CFAP77: variants seen among roughly 807,000 people sequenced by gnomAD.
CFAP77 encodes the protein cilia- and flagella-associated protein 77.
Under a neutral mutation model 31.1 loss-of-function variants are expected in CFAP77, and 25 were observed. The observed-to-expected ratio is 0.80, with a 90% confidence interval of 0.59 to 1.12. The LOEUF (loss-of-function observed/expected upper bound fraction) is 1.12, where lower values mean the gene tolerates loss of function less well. Ranked by LOEUF, CFAP77 falls within the 50% of genes most tolerant of loss-of-function variation. The pLI, the probability that CFAP77 is intolerant of heterozygous loss-of-function variation, is 0.00. For synonymous variants in CFAP77, 151 were observed against 159.9 expected, an observed-to-expected ratio of 0.94 and a Z score of 0.42; for missense variants, 377 against 397.3, an observed-to-expected ratio of 0.95 and a Z score of 0.44.
chr9:132,438,518 G>GGT (rs1850549473), intron 1 of CFAP77, among the ~76,000 whole-genome samples: 7 of 111,170 alleles, frequency 6.3e-5, no homozygotes, highest in African/African-American at 2.7e-4. Context: ...GAACAGATAT[G>GGT]GTATATATAT....
intron 1 of CFAP77, among the ~76,000 whole-genome samples, chr9:132,436,722 C>T (rs1406216616): frequency 3.9e-5 from 6 of 152,058 alleles, no homozygotes; most frequent in African/African-American, 7.2e-5. Context: ...TTTAATGCTA[C>T]GGCAATTCAA....
intron 1 of CFAP77, among the ~76,000 whole-genome samples, chr9:132,414,423 A>G (rs184210531): frequency 3.3e-5 from 5 of 152,282 alleles, no homozygotes; most frequent in Admixed American, 3.3e-4. Flanking sequence ...GTGCAGATAG[A>G]GATGAATGCG....
At chr9:132,570,440 C>T (rs1042568739) in intron 5 of CFAP77, among the ~76,000 whole-genome samples, 4 of 152,168 alleles carry the variant, frequency 2.6e-5, no homozygotes, top group East Asian at 1.9e-4. Flanking sequence ...ATCTGAAACC[C>T]GAGGCTGGGG....
chr9:132,515,546 G>C (rs1035522795), intron 3 of CFAP77, among the ~76,000 whole-genome samples: 1 of 152,166 alleles, frequency 6.6e-6, no homozygotes, highest in Non-Finnish European at 1.5e-5. Flanking sequence ...GTCCCTAAAA[G>C]TGTCTTGGGC....
Position 132,499,035 on chromosome 9 carries a change from C to A in CFAP77, c.295+241C>A, listed in dbSNP as rs1051161661. 2.6e-5 allele frequency among the ~76,000 whole-genome samples: 4 copies of A among 152,114 alleles called. No homozygotes were observed. Among genetic ancestry groups the A allele is most frequent in the East Asian group, 1.9e-4 (1 of 5,186 alleles). ...GCATGGGTATCCCCGCACCGCCCCC[C>A]TTCCCCGCCGCCGGCAGGGACTGTG... On this transcript the variant is annotated intron_variant, in intron 2 of 5. Coordinates refer to ENST00000393216, the MANE Select transcript of CFAP77 (RefSeq NM_001282957.2). This position sits in a 1 kb window ranked among gnomAD's most constrained non-coding sequence, Gnocchi z 5.4.
intron 1 of CFAP77, among the ~76,000 whole-genome samples, chr9:132,430,531 C>T (rs1312273339): frequency 6.6e-6 from 1 of 152,198 alleles, no homozygotes; most frequent in Non-Finnish European, 1.5e-5. Flanking sequence ...CAGAGCTATC[C>T]TGTGAACTAG....
At chr9:132,473,962 C>T (rs1035401378) in intron 1 of CFAP77, among the ~76,000 whole-genome samples, 5 of 152,178 alleles carry the variant, frequency 3.3e-5, no homozygotes, top group African/African-American at 1.2e-4. Flanking sequence ...GGGTTACAGG[C>T]GTGAGCCACC....
intron 1 of CFAP77, among the ~76,000 whole-genome samples, chr9:132,427,492 G>A (rs2131686665): frequency 6.6e-6 from 1 of 152,260 alleles, no homozygotes; most frequent in African/African-American, 2.4e-5. Context: ...TGGGTACGGT[G>A]TAATCCCAGC....
intron 3 of CFAP77, among the ~76,000 whole-genome samples, chr9:132,504,460 C>T (rs553435057): frequency 1.1e-4 from 17 of 152,308 alleles, no homozygotes; most frequent in Admixed American, 9.2e-4. Context: ...GGTAAATGGG[C>T]TTTGCATATG....
chr9:132,485,464 G>A (rs981708540), intron 1 of CFAP77, among the ~76,000 whole-genome samples: 2 of 152,156 alleles, frequency 1.3e-5, no homozygotes, highest in African/African-American at 2.4e-5. Context: ...AAACTGTCAC[G>A]TCCCAATCAT....
At position 132,573,125 on chromosome 9, in the gene CFAP77, G is replaced by T. The variant is rs1261007698; in HGVS notation, c.*615G>T. On this transcript the variant is annotated 3_prime_UTR_variant, in exon 6 of 6. Transcript: ENST00000393216. ...AGGCCAAGTTGGACTCCTCCCCCAG[G>T]ACTGACTTTGGAAGGTCAACCCACT... The T allele has an allele frequency of 1.3e-5, 2 of 152,304 alleles. No individual in the cohort carries two copies. The highest frequency in any genetic ancestry group is 4.8e-5 in the African/African-American group (2 of 41,434). The allele number at this position is 152,304 out of a possible 1,614,324, so 9.4% of individuals were successfully genotyped here. A position where few individuals can be genotyped will look rare whatever the true frequency, so the allele number is the denominator to read the frequency against.
chr9:132,458,357 G>GTGGGGGTGGGGT (rs1554738861), intron 1 of CFAP77, among the ~76,000 whole-genome samples: 2 of 119,046 alleles, frequency 1.7e-5, no homozygotes. Context: ...GAGGGGGGGG[G>GTGGGGGTGGGGT]GTGTGTATGG....
intron 1 of CFAP77, among the ~76,000 whole-genome samples, chr9:132,435,325 G>T (rs897575241): frequency 2.0e-5 from 3 of 152,132 alleles, no homozygotes; most frequent in Non-Finnish European, 4.4e-5. Context: ...CCATTTTGGG[G>T]TTCTAAGAGA....
chr9:132,515,420 C>T (rs1436057400), intron 3 of CFAP77, among the ~76,000 whole-genome samples: 1 of 152,184 alleles, frequency 6.6e-6, no homozygotes, highest in African/African-American at 2.4e-5. Flanking sequence ...TCCTGTGTCC[C>T]TTCCTCTGTT....
chr9:132,513,510 T>G lies in CFAP77; in HGVS notation c.524+13910T>G, dbSNP rs1244336506. On this transcript the variant is annotated intron_variant, in intron 3 of 5. Transcript: ENST00000393216. Reference sequence around the variant, plus strand: ...CATGCTTTCCACCCAGCGTGCCCAGTTTTGCTCTGTCGTTAGCGATCCATA... The same window carrying G: ...CATGCTTTCCACCCAGCGTGCCCAGGTTTGCTCTGTCGTTAGCGATCCATA... 5 of 849,690 alleles carry G rather than the reference T, an allele frequency of 5.9e-6. No homozygotes were observed. The East Asian group carries it at 1.4e-4, about 23-fold the overall frequency. The allele number at this position is 849,690 out of a possible 1,614,324, so 52.6% of individuals were successfully genotyped here. A position where few individuals can be genotyped will look rare whatever the true frequency, so the allele number is the denominator to read the frequency against.
chr9:132,510,605 G>A (rs1852019360), intron 3 of CFAP77, among the ~76,000 whole-genome samples: 2 of 152,202 alleles, frequency 1.3e-5, no homozygotes, highest in African/African-American at 4.8e-5. Flanking sequence ...GAATGAGCGC[G>A]TCATGCAGAG....
intron 1 of CFAP77, among the ~76,000 whole-genome samples, chr9:132,411,844 C>T (rs1455504941): frequency 7.0e-6 from 1 of 143,438 alleles, no homozygotes; most frequent in African/African-American, 2.6e-5. Context: ...GTGTGGTGCC[C>T]ACGCTGAGCA....
At chr9:132,429,679 C>T (rs1174181825) in intron 1 of CFAP77, among the ~76,000 whole-genome samples, 20 of 140,076 alleles carry the variant, frequency 1.4e-4, no homozygotes, top group Non-Finnish European at 1.8e-4. Flanking sequence ...CCCGTCTCTA[C>T]TAACAAAATA....
chr9:132,425,290 T>C (rs769020306), intron 1 of CFAP77, among the ~76,000 whole-genome samples: 1 of 152,162 alleles, frequency 6.6e-6, no homozygotes, highest in Non-Finnish European at 1.5e-5. Context: ...GGATCCGAAA[T>C]AGGCTCTGTG....
Sources: gnomAD v4.1 joint callset for allele counts (sites outside exome capture counted in the v4.1 genomes callset) on GRCh38, gnomAD v4.1.1 for gene constraint, Gnocchi (gnomAD v3.1) non-coding constraint, MANE v1.5 for transcripts, NCBI Gene and HGNC (gene_info 2026-07-23, HGNC 2026-07-21) for gene names.